Variants in MTUS2 observed in about 807,000 individuals in gnomAD.
The protein encoded by MTUS2 is microtubule-associated tumor suppressor candidate 2.
In MTUS2, 40 loss-of-function variants were observed where a neutral mutation model predicts 114.1. The observed-to-expected ratio is 0.35, with a 90% CI of 0.27 to 0.46. MTUS2 has a LOEUF of 0.46. Among genes scored for constraint, MTUS2 ranks in the 20% least tolerant of loss-of-function variants. The pLI, the probability that MTUS2 is intolerant of heterozygous loss-of-function variation, is 1.00. For missense variants in MTUS2, 1,679 were observed against 1,705.4 expected (o/e 0.98, Z 0.27); for synonymous variants, 688 against 672.0 (o/e 1.02, Z -0.37).
chr13:29,352,838 G>A (rs892412591), intron 7 of MTUS2, among the ~76,000 whole-genome samples: 2 of 152,172 alleles, frequency 1.3e-5, no homozygotes, highest in African/African-American at 4.8e-5. Context: ...TTCTTTTGCA[G>A]TATCTAATCT....
At chr13:29,403,686 A>G (rs1198329245) in intron 8 of MTUS2, among the ~76,000 whole-genome samples, 1 of 152,178 alleles carries the variant, frequency 6.6e-6, no homozygotes, top group Non-Finnish European at 1.5e-5. Context: ...ACTGGCTCAT[A>G]TTGAAACGTC....
Position 29,504,970 on chromosome 13 carries a change from A to C in MTUS2, c.*1764A>C, listed in dbSNP as rs1177350443. On this transcript the variant is annotated 3_prime_UTR_variant, in exon 16 of 16. Transcript: ENST00000612955. ...AGACATGGTCCCTGGCCCTAGGATG[A>C]GTCCACGCTGGGCTTCCGGGCCTCA... The C allele has an allele frequency of 4.3e-6, 1 of 232,570 alleles. No individual in the cohort carries two copies. The highest frequency in any genetic ancestry group is 6.0e-5 in the East Asian group (1 of 16,532). 14.4% of individuals were successfully genotyped at this position (232,570 alleles called of 1,614,324 possible).
At chr13:29,389,414 TG>T in intron 8 of MTUS2, among the ~76,000 whole-genome samples, 1 of 114,484 alleles carries the variant, frequency 8.7e-6, no homozygotes, top group African/African-American at 3.5e-5. Context: ...TATACACGTG[TG>T]TGTGTATGTA....
intron 4 of MTUS2, among the ~76,000 whole-genome samples, chr13:29,048,168 G>GTGTA (rs1172451980): frequency 6.6e-6 from 1 of 152,086 alleles, no homozygotes; most frequent in Non-Finnish European, 1.5e-5. Context: ...CATCCTTTCA[G>GTGTA]TGTATTTTTC....
chr13:28,890,099 G>T (rs1878829395), intron 2 of MTUS2, among the ~76,000 whole-genome samples: 3 of 152,116 alleles, frequency 2.0e-5, no homozygotes, highest in Admixed American at 2.0e-4. Flanking sequence ...TGGCAGTGTA[G>T]CTTCACTTGT....
intron 2 of MTUS2, among the ~76,000 whole-genome samples, chr13:29,012,989 AGT>A (rs1028868835): frequency 6.6e-6 from 1 of 152,206 alleles, no homozygotes; most frequent in Non-Finnish European, 1.5e-5. Flanking sequence ...AGAAGGGAAA[AGT>A]GTGTGCCCTG....
chr13:29,065,913 C>A (rs1454812602), intron 4 of MTUS2, among the ~76,000 whole-genome samples: 1 of 137,796 alleles, frequency 7.3e-6, no homozygotes, highest in African/African-American at 2.8e-5. Flanking sequence ...CAAATTCAAA[C>A]CCCCCCCCAC....
chr13:29,482,558 G>A (rs1881274004), intron 10 of MTUS2, among the ~76,000 whole-genome samples: 1 of 152,144 alleles, frequency 6.6e-6, no homozygotes, highest in African/African-American at 2.4e-5. Context: ...GAATATCTAT[G>A]GAATGTGCAT....
intron 9 of MTUS2, among the ~76,000 whole-genome samples, chr13:29,447,998 T>C (rs1878410966): frequency 6.6e-6 from 1 of 152,168 alleles, no homozygotes; most frequent in African/African-American, 2.4e-5. Flanking sequence ...TATAAGATGC[T>C]CTTCCTCAGA....
chr13:29,060,872 C>T (rs1232810589), intron 4 of MTUS2, among the ~76,000 whole-genome samples: 2 of 147,630 alleles, frequency 1.4e-5, no homozygotes, highest in Non-Finnish European at 3.0e-5. Context: ...GTGATCTCGG[C>T]TCACTGCAAG....
intron 5 of MTUS2, among the ~76,000 whole-genome samples, chr13:29,145,088 C>T (rs565472888): frequency 6.6e-6 from 1 of 152,218 alleles, no homozygotes; most frequent in South Asian, 2.1e-4. Context: ...ATTAAATTGC[C>T]CTTTAGTGTT....
At chr13:29,169,608 A>G (rs1025820223) in intron 5 of MTUS2, among the ~76,000 whole-genome samples, 3 of 152,242 alleles carry the variant, frequency 2.0e-5, no homozygotes, top group Non-Finnish European at 4.4e-5. Context: ...ATATGTGTAT[A>G]TATTTTATAC....
intron 2 of MTUS2, among the ~76,000 whole-genome samples, chr13:28,996,585 C>T (rs1337228382): frequency 2.4e-4 from 36 of 152,180 alleles, no homozygotes; most frequent in East Asian, 1.5e-3. Context: ...AGCCTGTTAT[C>T]GGTCTATTCA....
chr13:29,221,756 C>A (rs1895917581), intron 5 of MTUS2, among the ~76,000 whole-genome samples: 1 of 151,542 alleles, frequency 6.6e-6, no homozygotes, highest in Non-Finnish European at 1.5e-5. Flanking sequence ...AGTTTTACTC[C>A]AGTTTACCAT....
chr13:29,391,641 ATG>A (rs892264180), intron 8 of MTUS2, among the ~76,000 whole-genome samples: 2 of 49,298 alleles, frequency 4.1e-5, no homozygotes, highest in Non-Finnish European at 1.1e-4. Flanking sequence ...CTTTTTTAAA[ATG>A]TTTTTTTTTT....
intron 8 of MTUS2, among the ~76,000 whole-genome samples, chr13:29,378,080 C>A (rs1404482552): frequency 6.6e-6 from 1 of 152,100 alleles, no homozygotes; most frequent in African/African-American, 2.4e-5. Flanking sequence ...ACTATAGTGA[C>A]AGAGAACAGA....
chr13:29,263,578 C>T (rs1201591932), intron 5 of MTUS2, among the ~76,000 whole-genome samples: 1 of 152,136 alleles, frequency 6.6e-6, no homozygotes, highest in Admixed American at 6.5e-5. Flanking sequence ...CTGGTATCAG[C>T]TCAGCTTCTG....
At chr13:29,495,011 C>T in intron 12 of MTUS2, among the ~76,000 whole-genome samples, 1 of 151,360 alleles carries the variant, frequency 6.6e-6, no homozygotes, top group East Asian at 1.9e-4. Context: ...ATGGTAAAAC[C>T]CTGTCTCTAC....
intron 5 of MTUS2, among the ~76,000 whole-genome samples, chr13:29,123,334 T>G (rs1193015188): frequency 2.0e-5 from 3 of 152,208 alleles, no homozygotes; most frequent in African/African-American, 7.2e-5. Flanking sequence ...TTCATTTAAA[T>G]TTTTTCTTCT....
Sources: allele counts gnomAD v4.1 joint callset (sites outside exome capture counted in the v4.1 genomes callset), GRCh38; gene constraint gnomAD v4.1.1; transcripts MANE v1.5; gene names NCBI Gene and HGNC (gene_info 2026-07-23, HGNC 2026-07-21).